PRUNE2: variants seen among roughly 807,000 people sequenced by gnomAD.
The protein encoded by PRUNE2 is protein prune homolog 2.
A neutral mutation model predicts 252.0 loss-of-function variants in PRUNE2; 164 were observed. The observed-to-expected ratio is 0.65, with a 90% confidence interval of 0.57 to 0.74. The LOEUF (loss-of-function observed/expected upper bound fraction) is 0.74. Ranked by LOEUF, PRUNE2 falls within the 30% of genes least tolerant of loss-of-function variation. The pLI is 0.00. For missense variants in PRUNE2, 3,495 were observed against 3,711.0 expected, an observed-to-expected ratio of 0.94 and a Z score of 1.51; for synonymous variants, 1,292 against 1,350.2, an observed-to-expected ratio of 0.96 and a Z score of 0.94.
chr9:76,662,870 T>C (rs2039378454), intron 9 of PRUNE2, among the ~76,000 whole-genome samples: 1 of 152,234 alleles, frequency 6.6e-6, no homozygotes, highest in Non-Finnish European at 1.5e-5. Flanking sequence ...TCCTGGCTTC[T>C]TTCTAGTCTA....
chr9:76,747,723 A>C (rs1175698505), intron 6 of PRUNE2, among the ~76,000 whole-genome samples: 1 of 151,978 alleles, frequency 6.6e-6, no homozygotes, highest in African/African-American at 2.4e-5. Context: ...ATGACAACAA[A>C]TCCCACTGTG....
chr9:76,858,666 G>T (rs573870613), intron 1 of PRUNE2, among the ~76,000 whole-genome samples: 2 of 151,538 alleles, frequency 1.3e-5, no homozygotes, highest in Non-Finnish European at 2.9e-5. Flanking sequence ...TAGATGACAG[G>T]TTGATGGATG....
intron 6 of PRUNE2, among the ~76,000 whole-genome samples, chr9:76,811,276 G>A (rs1056041428): frequency 6.6e-6 from 1 of 152,184 alleles, no homozygotes; most frequent in Non-Finnish European, 1.5e-5. Flanking sequence ...GAAAAATGTA[G>A]ACAGAATTAG....
At chr9:76,658,353 C>T (rs1368006778) in intron 9 of PRUNE2, among the ~76,000 whole-genome samples, 1 of 152,122 alleles carries the variant, frequency 6.6e-6, no homozygotes, top group Non-Finnish European at 1.5e-5. Context: ...AGCAAAACTC[C>T]GTCCCACTCC....
chr9:76,685,699 C>A (rs2044008944), intron 9 of PRUNE2, among the ~76,000 whole-genome samples: 1 of 152,126 alleles, frequency 6.6e-6, no homozygotes, highest in Non-Finnish European at 1.5e-5. Flanking sequence ...TCTAGCAATA[C>A]CTTGATCTCA....
In PRUNE2 at chr9:76,755,188, G is replaced by C. The variant is rs143378369; in HGVS notation, c.757-41467C>G. On this transcript the variant is annotated intron_variant, in intron 6 of 18. Coordinates refer to ENST00000376718, the MANE Select transcript of PRUNE2 (RefSeq NM_015225.3). ...ATGAAATCACACTGTATATTTAATTGTTTATGTGTTTGCTATTCGTCTCCC... is the reference window on the plus strand; with the variant it reads ...ATGAAATCACACTGTATATTTAATTCTTTATGTGTTTGCTATTCGTCTCCC... Among the ~76,000 whole-genome samples, 577 of 152,022 alleles carry C rather than the reference G, an allele frequency of 3.8e-3. 5 individuals carry two copies. Among genetic ancestry groups the C allele is most frequent in the African/African-American group, 0.013 (551 of 41,452 alleles).
At chr9:76,865,500 A>C (rs1364918884) in intron 1 of PRUNE2, among the ~76,000 whole-genome samples, 1 of 152,238 alleles carries the variant, frequency 6.6e-6, no homozygotes, top group East Asian at 1.9e-4. Context: ...TTTACAGCTC[A>C]GCCAACTGAG....
chr9:76,697,579 C>G (rs903868418), intron 9 of PRUNE2, among the ~76,000 whole-genome samples: 1 of 152,194 alleles, frequency 6.6e-6, no homozygotes, highest in East Asian at 1.9e-4. Context: ...CTGGCTCAGT[C>G]TGTCTCAAAA....
At chr9:76,715,392 G>A (rs12336526) in intron 6 of PRUNE2, among the ~76,000 whole-genome samples, 3 of 152,112 alleles carry the variant, frequency 2.0e-5, no homozygotes, top group South Asian at 2.1e-4. Flanking sequence ...CGCCCATCAC[G>A]GGCTTCCATG....
At chr9:76,785,752 T>TGA in intron 6 of PRUNE2, 1 of 152,198 alleles carries the variant, frequency 6.6e-6, no homozygotes, top group Non-Finnish European at 1.5e-5. Context: ...TGTGTGTGTG[T>TGA]GTGAGTGTAC....
chr9:76,677,266 T>G (rs2042758435), intron 9 of PRUNE2, among the ~76,000 whole-genome samples: 1 of 152,244 alleles, frequency 6.6e-6, no homozygotes, highest in African/African-American at 2.4e-5. Context: ...AGTTTTGGAT[T>G]TTTTAAATTA....
At position 76,797,651 on chromosome 9, in the gene PRUNE2, T is replaced by C. The variant is rs2056214694; in HGVS notation, c.756+25981A>G. 1.3e-5 allele frequency among the ~76,000 whole-genome samples: 2 copies of C among 152,122 alleles called. 1 individual carries two copies. Among genetic ancestry groups the C allele is most frequent in the South Asian group, 4.1e-4 (2 of 4,824 alleles). On this transcript the variant is annotated intron_variant, in intron 6 of 18. Coordinates refer to ENST00000376718, the MANE Select transcript of PRUNE2 (RefSeq NM_015225.3). ...TGTCAAGGGTTTTTTAACTTGTCTTTTTCATAGATCTTGAACCGCCCCCCA... is the reference window on the plus strand; with the variant it reads ...TGTCAAGGGTTTTTTAACTTGTCTTCTTCATAGATCTTGAACCGCCCCCCA...
intron 6 of PRUNE2, among the ~76,000 whole-genome samples, chr9:76,813,976 C>T (rs2131790661): frequency 6.6e-6 from 1 of 152,282 alleles, no homozygotes; most frequent in South Asian, 2.1e-4. Flanking sequence ...ACCACCACAC[C>T]TGGCTAATTG....
At chr9:76,829,016 C>CA (rs1185924670) in intron 4 of PRUNE2, among the ~76,000 whole-genome samples, 54,439 of 95,200 alleles carry the variant, frequency 0.57, 14,498 homozygotes, top group East Asian at 0.6. Context: ...CACTCTGTCT[C>CA]AAAAAAAAAA....
Position 76,710,230 on chromosome 9 carries a change from T to C in PRUNE2, c.2044A>G (p.Ser682Gly). Residue 682 changes from serine to glycine, a missense_variant, in exon 8 of 19, where the codon AGC becomes GGC. Coordinates refer to ENST00000376718, the MANE Select transcript of PRUNE2 (RefSeq NM_015225.3). Reference protein sequence around the residue: ...SSSEQESVFQSPESWKEHKPS... With the variant: ...SSSEQESVFQGPESWKEHKPS... ...TTATGCTCTTTCCATGATTCAGGGCTCTGGAAAACAGATTCCTGTTCACTG... is the reference window on the plus strand; with the variant it reads ...TTATGCTCTTTCCATGATTCAGGGCCCTGGAAAACAGATTCCTGTTCACTG... 1 of 1,613,962 alleles carries C rather than the reference T, an allele frequency of 6.2e-7. No homozygotes were observed. The highest frequency in any genetic ancestry group is 1.1e-5 in the South Asian group (1 of 91,078).
intron 6 of PRUNE2, among the ~76,000 whole-genome samples, chr9:76,799,088 C>T (rs779229418): frequency 2.6e-5 from 4 of 152,134 alleles, no homozygotes; most frequent in Non-Finnish European, 5.9e-5. Context: ...CGCCTGTAAT[C>T]CCAGCACTTT....
At chr9:76,819,945 T>C (rs2057938083) in intron 6 of PRUNE2, among the ~76,000 whole-genome samples, 1 of 152,222 alleles carries the variant, frequency 6.6e-6, no homozygotes, top group South Asian at 2.1e-4. Context: ...ACGTTTGCTC[T>C]TTGATATCCA....
chr9:76,700,894 G>A (rs754558666), intron 9 of PRUNE2, among the ~76,000 whole-genome samples: 1 of 152,128 alleles, frequency 6.6e-6, no homozygotes, highest in Non-Finnish European at 1.5e-5. Context: ...CTTAACACCT[G>A]GTCCAACAGC....
intron 9 of PRUNE2, chr9:76,692,222 A>T (rs960252913): frequency 1.4e-5 from 10 of 710,756 alleles, no homozygotes; most frequent in Non-Finnish European, 2.6e-5. Context: ...CTAAATAAGG[A>T]TGATCACCTG....
Sources: allele counts gnomAD v4.1 joint callset (sites outside exome capture counted in the v4.1 genomes callset), GRCh38; gene constraint gnomAD v4.1.1; transcripts MANE v1.5; gene names NCBI Gene and HGNC (gene_info 2026-07-23, HGNC 2026-07-21).